KRT8: variants seen among roughly 807,000 people sequenced by gnomAD.
The protein encoded by KRT8 is keratin 8.
In KRT8, 24 loss-of-function variants were observed where a neutral mutation model predicts 43.0. That is an observed-to-expected ratio of 0.56 (90% CI 0.40 to 0.78). The LOEUF (loss-of-function observed/expected upper bound fraction) is 0.78, where lower values mean the gene tolerates loss of function less well. KRT8 is among the 30% of genes least tolerant of loss of function. The probability of loss-of-function intolerance (pLI) is 0.00; values close to 1 mark genes in which losing one functional copy is unlikely to be tolerated. For missense variants in KRT8, 492 were observed against 638.4 expected, an observed-to-expected ratio of 0.77 and a Z score of 2.47; for synonymous variants, 214 against 261.2, an observed-to-expected ratio of 0.82 and a Z score of 1.74.
chr12:52,937,215 C>CA (rs1468186082), intron 2 of KRT8, among the ~76,000 whole-genome samples: 3 of 146,862 alleles, frequency 2.0e-5, no homozygotes, highest in African/African-American at 7.5e-5. Context: ...TACTGAAATA[C>CA]AAAAAACTAG....
exon 1 of KRT8, chr12:52,905,064 A>G (rs964462236): frequency 2.0e-6 from 3 of 1,519,474 alleles, no homozygotes; most frequent in South Asian, 1.2e-5. Context: ...TGGTGAGGAG[A>G]GCTCTCAGGA....
intron 2 of KRT8, among the ~76,000 whole-genome samples, chr12:52,923,037 G>A (rs73110471): frequency 0.1 from 15,272 of 152,166 alleles, 848 homozygotes; most frequent in Non-Finnish European, 0.12. Flanking sequence ...TGAGGGTTCC[G>A]TAGCCAGGCT....
chr12:52,949,527 G>A (rs749637522), exon 2 of KRT8: 2 of 1,613,626 alleles, frequency 1.2e-6, no homozygotes, highest in Admixed American at 1.7e-5. Flanking sequence ...ACTTGGAGAA[G>A]AAGGGACCCC....
Position 52,941,503 on chromosome 12 carries a change from T to TG in KRT8, c.-47+7952_-47+7953insC, listed in dbSNP as rs1463352401. Among the ~76,000 whole-genome samples, 475 of 133,226 alleles carry TG rather than the reference T, an allele frequency of 3.6e-3. 3 individuals are homozygous for TG. Among genetic ancestry groups the TG allele is most frequent in the East Asian group, 0.01 (44 of 4,252 alleles). The allele number at this position is 133,226 out of a possible 152,430, so 87.4% of individuals were successfully genotyped here. On this transcript the variant is annotated intron_variant, in intron 2 of 6. Coordinates refer to the KRT8 transcript ENST00000546826. ...CTTTTTTTTTTTTTTTTTTTTTTTT[T>TG]TTGAGACAGTGTTTCACTCTTGTTA...
At chr12:52,914,784 G>A (rs1318547887) in intron 2 of KRT8, among the ~76,000 whole-genome samples, 1 of 152,304 alleles carries the variant, frequency 6.6e-6, no homozygotes, top group African/African-American at 2.4e-5. Context: ...ATATCATCAG[G>A]ACCAAGACTC....
At chr12:52,905,531 A>G (rs1941494921), upstream of KRT8, among the ~76,000 whole-genome samples, 1 of 152,078 alleles carries the variant, frequency 6.6e-6, no homozygotes, top group East Asian at 1.9e-4. Flanking sequence ...TGAAGCGATT[A>G]TGAGGGCCTG....
At chr12:52,947,759 T>G (rs1274010756) in intron 2 of KRT8, 2 of 136,898 alleles carry the variant, frequency 1.5e-5, no homozygotes, top group Non-Finnish European at 3.0e-5. Flanking sequence ...TAGGCTGGAG[T>G]GCAGTGGCAT....
intron 2 of KRT8, among the ~76,000 whole-genome samples, chr12:52,922,406 C>T (rs1941907496): frequency 6.6e-6 from 1 of 152,174 alleles, no homozygotes; most frequent in South Asian, 2.1e-4. Context: ...GGCACGGTGG[C>T]TCACGCCTGT....
intron 2 of KRT8, among the ~76,000 whole-genome samples, chr12:52,933,134 C>T (rs7486193): frequency 0.15 from 22,162 of 151,958 alleles, 2,402 homozygotes; most frequent in East Asian, 0.48. Context: ...TCAGTAGAGA[C>T]GGGGTTTCAC....
chr12:52,947,118 A>G (rs1942356552), intron 2 of KRT8: 1 of 152,444 alleles, frequency 6.6e-6, no homozygotes, highest in Admixed American at 6.5e-5. Flanking sequence ...TGCCAGAAAA[A>G]CGAGCTGCTG....
chr12:52,904,519 G>A (rs1189894186), intron 1 of KRT8, 139 bp downstream of exon 1: 2 of 825,092 alleles, frequency 2.4e-6, no homozygotes, highest in Non-Finnish European at 4.1e-6. Context: ...GGGTGAGTCG[G>A]AGGATGGAAG....
At chr12:52,909,566 A>T (rs1247958864), upstream of KRT8, among the ~76,000 whole-genome samples, 2 of 152,186 alleles carry the variant, frequency 1.3e-5, no homozygotes, top group African/African-American at 4.8e-5. Context: ...GATGGATCTG[A>T]TGATTAAAGC....
chr12:52,914,307 C>A (rs557827226), intron 2 of KRT8, among the ~76,000 whole-genome samples: 1 of 152,192 alleles, frequency 6.6e-6, no homozygotes, highest in Admixed American at 6.5e-5. Context: ...GAGGCCGAGG[C>A]AGGCGGATCA....
intron 4 of KRT8, 69 bp from the exon 5 acceptor site, chr12:52,900,134 C>T (rs1941330691): frequency 1.3e-6 from 2 of 1,528,668 alleles, no homozygotes; most frequent in Non-Finnish European, 1.8e-6. Flanking sequence ...TCCACAACAG[C>T]CTTTCTTAGG....
chr12:52,940,687 G>A (rs938356169), intron 2 of KRT8, among the ~76,000 whole-genome samples: 38 of 147,540 alleles, frequency 2.6e-4, no homozygotes, highest in Admixed American at 6.8e-4. Flanking sequence ...GTGCAGTTGC[G>A]CCATCTCAGC....
At chr12:52,913,805 A>C (rs1390540813) in intron 2 of KRT8, among the ~76,000 whole-genome samples, 1 of 152,204 alleles carries the variant, frequency 6.6e-6, no homozygotes, top group Non-Finnish European at 1.5e-5. Context: ...CGTCACACAC[A>C]TACCTGTGCA....
intron 2 of KRT8, among the ~76,000 whole-genome samples, chr12:52,926,696 C>T (rs1161083518): frequency 6.6e-6 from 1 of 152,144 alleles, no homozygotes; most frequent in Non-Finnish European, 1.5e-5. Context: ...ATATTTGTCT[C>T]ATTTGACCCT....
chr12:52,905,110 A>T (rs1343751395), upstream of KRT8: 1 of 1,448,020 alleles, frequency 6.9e-7, no homozygotes. Context: ...GCCCCGGGGG[A>T]TGGGGGGGAA....
chr12:52,898,830 C>G (rs764622352), exon 6 of KRT8: 1 of 1,613,610 alleles, frequency 6.2e-7, no homozygotes, highest in Non-Finnish European at 8.5e-7. Context: ...GACAACTTGG[C>G]GTTGGCATCC....
Sources: gnomAD v4.1 joint callset for allele counts (sites outside exome capture counted in the v4.1 genomes callset) on GRCh38, gnomAD v4.1.1 for gene constraint, MANE v1.5 for transcripts, NCBI Gene and HGNC (gene_info 2026-07-23, HGNC 2026-07-21) for gene names.